The following HCN1 variants were observed in gnomAD, a reference collection of about 807,000 sequenced individuals.
HCN1 encodes the protein hyperpolarization activated cyclic nucleotide gated potassium channel 1.
In HCN1, 13 loss-of-function variants were observed where a neutral mutation model predicts 78.9. The ratio of observed to expected loss-of-function variants is 0.16; its 90% CI spans 0.11 to 0.26. The LOEUF (loss-of-function observed/expected upper bound fraction) is 0.26. HCN1 is among the 10% of genes least tolerant of loss of function. HCN1 has a pLI of 1.00. For synonymous variants in HCN1, 552 were observed against 455.5 expected, an observed-to-expected ratio of 1.21 and a Z score of -2.70; for missense variants, 810 against 1,154.3, an observed-to-expected ratio of 0.70 and a Z score of 4.32.
chr5:45,470,441 T>C (rs942934785), intron 2 of HCN1, among the ~76,000 whole-genome samples: 8 of 152,026 alleles, frequency 5.3e-5, no homozygotes, highest in African/African-American at 1.9e-4. Context: ...AAGGAAGCAT[T>C]GGCAAATTTG....
At chr5:45,322,161 C>G (rs565877816) in intron 5 of HCN1, among the ~76,000 whole-genome samples, 1 of 151,902 alleles carries the variant, frequency 6.6e-6, no homozygotes, top group East Asian at 1.9e-4. Context: ...GTAGCTGGAG[C>G]TATACAACAA....
rs1427664939 is a variant in HCN1 at position 45,695,895 on chromosome 5, C to T, written c.199G>A (p.Gly67Ser). The T allele has an allele frequency of 1.1e-5, 17 of 1,513,482 alleles. No homozygotes were observed. Among genetic ancestry groups the T allele is most frequent in the Admixed American group, 4.3e-5 (2 of 46,026 alleles). 93.8% of individuals were successfully genotyped at this position (1,513,482 alleles called of 1,614,324 possible). Residue 67 changes from glycine (G) to serine (S), a missense_variant, in exon 1 of 8, where the codon GGT (glycine) becomes AGT (serine). Transcript: ENST00000303230. Reference protein sequence around the residue: ...VCFKVDGGGGGGGGGGGGEEP... With the variant: ...VCFKVDGGGGSGGGGGGGEEP... ...TCGCCGCCGCCGCCGCCGCCGCCAC[C>T]GCCGCCACCGCCGTCCACCTTGAAG...
At chr5:45,554,943 T>C (rs1472584684) in intron 2 of HCN1, among the ~76,000 whole-genome samples, 2 of 151,772 alleles carry the variant, frequency 1.3e-5, no homozygotes, top group East Asian at 1.9e-4. Flanking sequence ...AAATAAGAGA[T>C]TTCCTTTTAA....
intron 2 of HCN1, among the ~76,000 whole-genome samples, chr5:45,522,923 A>T (rs1742644607): frequency 6.6e-6 from 1 of 151,886 alleles, no homozygotes; most frequent in Non-Finnish European, 1.5e-5. Context: ...TTAGTTACAT[A>T]TGTATACATG....
intron 2 of HCN1, among the ~76,000 whole-genome samples, chr5:45,611,530 C>T (rs1340223401): frequency 6.6e-6 from 1 of 151,820 alleles, no homozygotes; most frequent in African/African-American, 2.4e-5. Flanking sequence ...CTTCAGTCTC[C>T]CAAAGTTCTG....
chr5:45,679,681 T>C (rs1304960365), intron 1 of HCN1, among the ~76,000 whole-genome samples: 3 of 152,080 alleles, frequency 2.0e-5, no homozygotes, highest in East Asian at 1.9e-4. Context: ...CTGGCTTTAA[T>C]TGATAAAAAA....
intron 5 of HCN1, among the ~76,000 whole-genome samples, chr5:45,352,723 G>T (rs1360757924): frequency 6.6e-6 from 1 of 151,924 alleles, no homozygotes; most frequent in African/African-American, 2.4e-5. Context: ...GCAAGTCATT[G>T]TCTTATCAGG....
intron 1 of HCN1, among the ~76,000 whole-genome samples, chr5:45,669,340 C>T (rs1306820637): frequency 6.6e-6 from 1 of 151,612 alleles, no homozygotes; most frequent in Non-Finnish European, 1.5e-5. Flanking sequence ...AGGTCTTATG[C>T]CAGAGAAGCT....
chr5:45,358,445 C>A lies in HCN1; in HGVS notation c.1231-5199G>T, dbSNP rs180886983. Among the ~76,000 whole-genome samples, 203 of 152,128 alleles carry A rather than the reference C, an allele frequency of 1.3e-3. 1 individual carries two copies. Among genetic ancestry groups the A allele is most frequent in the Non-Finnish European group, 1.8e-3 (121 of 67,986 alleles). ...CACCAAATTATGTAAGTTTTACCTACCAAAAGTTTCAATAATTTTCCATTT... is the reference window on the plus strand; with the variant it reads ...CACCAAATTATGTAAGTTTTACCTAACAAAAGTTTCAATAATTTTCCATTT... On this transcript the variant is annotated intron_variant, in intron 4 of 7. Transcript: ENST00000303230.
chr5:45,556,427 T>C (rs1193494441), intron 2 of HCN1, among the ~76,000 whole-genome samples: 1 of 151,998 alleles, frequency 6.6e-6, no homozygotes, highest in African/African-American at 2.4e-5. Flanking sequence ...TGCCTATAAC[T>C]TGAAGTCCTT....
intron 3 of HCN1, among the ~76,000 whole-genome samples, chr5:45,441,446 A>G (rs1740679427): frequency 6.6e-6 from 1 of 152,042 alleles, no homozygotes; most frequent in East Asian, 1.9e-4. Context: ...ATATAAATAG[A>G]TTGATACTAT....
At chr5:45,323,510 T>G (rs1345884919) in intron 5 of HCN1, among the ~76,000 whole-genome samples, 1 of 151,886 alleles carries the variant, frequency 6.6e-6, no homozygotes, top group Non-Finnish European at 1.5e-5. Flanking sequence ...AAACCTTTAT[T>G]AATTTAGAAA....
At chr5:45,317,549 C>A (rs1331193323) in intron 5 of HCN1, among the ~76,000 whole-genome samples, 4 of 152,060 alleles carry the variant, frequency 2.6e-5, no homozygotes, top group African/African-American at 2.4e-5. Flanking sequence ...GCAACAAAAG[C>A]CACAATTGAC....
chr5:45,562,782 C>T (rs950896820), intron 2 of HCN1, among the ~76,000 whole-genome samples: 9 of 152,042 alleles, frequency 5.9e-5, no homozygotes, highest in East Asian at 3.9e-4. Flanking sequence ...AACAAATGTA[C>T]GCAAAACCCT....
intron 1 of HCN1, among the ~76,000 whole-genome samples, chr5:45,659,933 A>G (rs1745890083): frequency 6.9e-6 from 1 of 145,804 alleles, no homozygotes; most frequent in African/African-American, 2.6e-5. Flanking sequence ...GCCAACGTTC[A>G]GATTCAGGAA....
At chr5:45,561,070 G>T (rs910213720) in intron 2 of HCN1, among the ~76,000 whole-genome samples, 28 of 151,852 alleles carry the variant, frequency 1.8e-4, no homozygotes, top group Admixed American at 3.9e-4. Flanking sequence ...TTTTTAAAGA[G>T]AAAACATGCT....
chr5:45,627,764 CT>C (rs1478665068), intron 2 of HCN1, among the ~76,000 whole-genome samples: 2 of 152,140 alleles, frequency 1.3e-5, no homozygotes, highest in African/African-American at 2.4e-5. Context: ...CTATGTTTAA[CT>C]TCAGGGAAAA....
intron 2 of HCN1, among the ~76,000 whole-genome samples, chr5:45,525,759 G>T (rs1742725381): frequency 6.6e-6 from 1 of 151,938 alleles, no homozygotes; most frequent in Admixed American, 6.6e-5. Context: ...CTGCTACACT[G>T]CTCTGCCTCA....
At chr5:45,394,747 T>C (rs918128986) in intron 4 of HCN1, among the ~76,000 whole-genome samples, 15 of 151,750 alleles carry the variant, frequency 9.9e-5, no homozygotes, top group Admixed American at 5.3e-4. Flanking sequence ...ACCCCGAAGG[T>C]AGAGGTTGTA....
Sources: gnomAD v4.1 joint callset for allele counts (sites outside exome capture counted in the v4.1 genomes callset) on GRCh38, gnomAD v4.1.1 for gene constraint, MANE v1.5 for transcripts, NCBI Gene and HGNC (gene_info 2026-07-23, HGNC 2026-07-21) for gene names.